TMEM150B: variants seen among roughly 807,000 people sequenced by gnomAD.
TMEM150B encodes the protein transmembrane protein 150B, also known as modulator of macroautophagy TMEM150B.
TMEM150B carries 33 observed loss-of-function variants against 25.2 expected under a neutral mutation model. The observed-to-expected ratio is 1.31, with a 90% CI of 0.99 to 1.75. The LOEUF is 1.75. Among genes scored for constraint, TMEM150B ranks in the 40% most tolerant of loss-of-function variants. The pLI, the probability that TMEM150B is intolerant of heterozygous loss-of-function variation, is 0.00. For synonymous variants in TMEM150B, 133 were observed against 134.8 expected (o/e 0.99, Z 0.09); for missense variants, 322 against 306.1 (o/e 1.05, Z -0.39).
chr19:55,313,206 G>A (rs896065133), intron 7 of TMEM150B, 151 bp from the exon 8 acceptor site: 13 of 771,380 alleles, frequency 1.7e-5, no homozygotes, highest in Middle Eastern at 3.8e-4. Flanking sequence ...ACGGGGCCTC[G>A]CCTTGGTCTC....
chr19:55,322,299 T>C (rs2089227616), intron 2 of TMEM150B, among the ~76,000 whole-genome samples: 2 of 152,036 alleles, frequency 1.3e-5, no homozygotes. Context: ...CAGGGACAGG[T>C]AAGCCTCACA....
At chr19:55,310,762 C>T (rs777374462), downstream of TMEM150B, among the ~76,000 whole-genome samples, 23 of 152,104 alleles carry the variant, frequency 1.5e-4, no homozygotes, top group Non-Finnish European at 2.6e-4. The surrounding 1 kb of genome is among the most constrained non-coding windows in gnomAD (Gnocchi z 5.0). Context: ...TAGGGGCAAC[C>T]GGAAAGCAAA....
intron 6 of TMEM150B, among the ~76,000 whole-genome samples, chr19:55,319,168 A>G (rs1347874779): frequency 6.6e-6 from 1 of 151,960 alleles, no homozygotes; most frequent in Non-Finnish European, 1.5e-5. Context: ...CTGGAGTGCA[A>G]TGGCATGGTC....
At chr19:55,311,897 T>C, downstream of TMEM150B, 1 of 1,610,584 alleles carries the variant, frequency 6.2e-7, no homozygotes, top group Non-Finnish European at 8.5e-7. Flanking sequence ...GAAAAACCTC[T>C]TCCTCCCTTG....
intron 7 of TMEM150B, among the ~76,000 whole-genome samples, chr19:55,314,265 G>T (rs1050166286): frequency 1.3e-5 from 2 of 152,030 alleles, no homozygotes; most frequent in Non-Finnish European, 2.9e-5. Context: ...CATGTCATCC[G>T]CCCGCCTTAG....
chr19:55,312,510 C>T (rs562951274), downstream of TMEM150B: 325 of 144,044 alleles, frequency 2.3e-3, no homozygotes, highest in African/African-American at 0.011. Flanking sequence ...TGCCTGCGTC[C>T]GTGTCTCTGA....
In TMEM150B at chr19:55,321,113, G is replaced by A. The variant is rs2089196409; in HGVS notation, c.-57-20C>T. 4 of 1,533,286 alleles carry A rather than the reference G, an allele frequency of 2.6e-6. No homozygotes were observed. Among genetic ancestry groups the A allele is most frequent in the Non-Finnish European group, 3.5e-6 (4 of 1,141,554 alleles). The allele number at this position is 1,533,286 out of a possible 1,614,324, so 95.0% of individuals were successfully genotyped here. A position where few individuals can be genotyped will look rare whatever the true frequency, so the allele number is the denominator to read the frequency against. Reference sequence around the variant, plus strand: ...TCACACCTGAAGAACCAGCCCTCAAGGAGGGCCCAGGTGCATGAGATTGTG... The same window carrying A: ...TCACACCTGAAGAACCAGCCCTCAAAGAGGGCCCAGGTGCATGAGATTGTG... On this transcript the variant is annotated intron_variant, in intron 2 of 7. Coordinates refer to ENST00000326652, the MANE Select transcript of TMEM150B (RefSeq NM_001282011.2).
intron 2 of TMEM150B, among the ~76,000 whole-genome samples, 191 bp downstream of exon 2, chr19:55,322,456 AT>A (rs2123138109): frequency 6.6e-6 from 1 of 152,080 alleles, no homozygotes; most frequent in Non-Finnish European, 1.5e-5. Context: ...CTGGGCCCCC[AT>A]TGGCTCTCAG....
At chr19:55,315,427 C>T (rs1010881956) in intron 7 of TMEM150B, among the ~76,000 whole-genome samples, 1 of 152,024 alleles carries the variant, frequency 6.6e-6, no homozygotes, top group East Asian at 1.9e-4. Flanking sequence ...GTCAGGAGTT[C>T]GAGACCAGCC....
Position 55,313,051 on chromosome 19 carries a change from G to T in TMEM150B, c.510C>A (p.Ile170=). The T allele has an allele frequency of 2.5e-6, 4 of 1,609,266 alleles. No individual in the cohort carries two copies. Among genetic ancestry groups the T allele is most frequent in the Non-Finnish European group, 3.4e-6 (4 of 1,178,222 alleles). Reference sequence around the variant, plus strand: ...TACGCAGCGAGCAGGCGTGGAGGACGATCACTGCCCCAGGGTCAAGGGCCA... The same window carrying T: ...TACGCAGCGAGCAGGCGTGGAGGACTATCACTGCCCCAGGGTCAAGGGCCA... ...SVCTILIVAM[I]VLHACSLRSV... The change falls in exon 8 of 8, where the codon ATC becomes ATA. Residue 170 remains isoleucine (I), a synonymous_variant. Transcript: ENST00000326652.
At chr19:55,319,764 T>C (rs2089139548) in intron 6 of TMEM150B, 1 of 1,253,728 alleles carries the variant, frequency 8.0e-7, no homozygotes. Context: ...AATTTCATCA[T>C]TAAATAAGCT....
At chr19:55,315,695 A>G (rs765270978) in intron 7 of TMEM150B, among the ~76,000 whole-genome samples, 1 of 150,932 alleles carries the variant, frequency 6.6e-6, no homozygotes, top group African/African-American at 2.4e-5. Context: ...TGGGAGGCGG[A>G]GCTTACAGTG....
chr19:55,320,179 G>T lies in TMEM150B; in HGVS notation c.197-13C>A. The T allele has an allele frequency of 6.2e-7, 1 of 1,613,038 alleles. No individual in the cohort carries two copies. The highest frequency in any genetic ancestry group is 8.5e-7 in the Non-Finnish European group (1 of 1,179,282). ...CAGATCCACGCGGCTGGGAGTAGAGGGGAGAAGGAAGTGGGAGGGAGACCC... is the reference window on the plus strand; with the variant it reads ...CAGATCCACGCGGCTGGGAGTAGAGTGGAGAAGGAAGTGGGAGGGAGACCC... On this transcript the variant is annotated splice_polypyrimidine_tract_variant and intron_variant, in intron 5 of 7. Transcript: ENST00000326652.
At position 55,322,722 on chromosome 19, in the gene TMEM150B, G is replaced by A; in HGVS notation, c.-132C>T. Reference sequence around the variant, plus strand: ...CTCAGGGAAGAAGGGCTGGCATTCGGGGTGGGGCTCAGGCAGACATCCTGC... The same window carrying A: ...CTCAGGGAAGAAGGGCTGGCATTCGAGGTGGGGCTCAGGCAGACATCCTGC... On this transcript the variant is annotated 5_prime_UTR_variant, in exon 2 of 8. Transcript: ENST00000326652. 4 of 985,348 alleles carry A rather than the reference G, an allele frequency of 4.1e-6. No homozygotes were observed. Among genetic ancestry groups the A allele is most frequent in the Non-Finnish European group, 4.8e-6 (4 of 830,036 alleles). 61.0% of individuals were successfully genotyped at this position (985,348 alleles called of 1,614,324 possible).
In TMEM150B at chr19:55,320,541, C is replaced by T. The variant is rs1258124491; in HGVS notation, c.128+17G>A. 1.2e-6 allele frequency: 2 copies of T among 1,613,838 alleles called. No homozygotes were observed. Among genetic ancestry groups the T allele is most frequent in the Admixed American group, 1.7e-5 (1 of 59,970 alleles). ...CAGCGGCGATCCCCCCAAATCCCTA[C>T]CCTCGGGCAGAATTACCTGATGTAG... is the stretch of plus-strand genomic sequence containing the variant. On this transcript the variant is annotated intron_variant, in intron 4 of 7. Transcript: ENST00000326652.
Position 55,312,859 on chromosome 19 carries a change from C to A in TMEM150B, c.702G>T (p.Ter234TyrextTer4), listed in dbSNP as rs767266573. Residue 234 changes from the stop codon to tyrosine (Y), a stop_lost, in exon 8 of 8, where the codon TAG becomes TAT. Transcript: ENST00000326652. ...ASPISLPVQL[*>Y] ...GGCAAGGCCCGGGTCAGGGTGCCTGCTACAGCTGGACCGGCAGGGAGATGG... is the reference window on the plus strand; with the variant it reads ...GGCAAGGCCCGGGTCAGGGTGCCTGATACAGCTGGACCGGCAGGGAGATGG... The A allele has an allele frequency of 2.5e-6, 4 of 1,583,422 alleles. No individual in the cohort carries two copies. In the South Asian group the frequency reaches 4.6e-5, roughly 18 times the overall value.
At position 55,320,034 on chromosome 19, in the gene TMEM150B, C is replaced by T. The variant is rs749533726; in HGVS notation, c.324+5G>A. Reference sequence around the variant, plus strand: ...GACAGACCCTGGGCGCCGACTGGGTCTCACCTGGAAATTGCCTACCACGGA... The same window carrying T: ...GACAGACCCTGGGCGCCGACTGGGTTTCACCTGGAAATTGCCTACCACGGA... On this transcript the variant is annotated splice_donor_5th_base_variant and intron_variant, in intron 6 of 7. Coordinates refer to ENST00000326652, the MANE Select transcript of TMEM150B (RefSeq NM_001282011.2). The T allele has an allele frequency of 6.2e-7, 1 of 1,613,958 alleles. No homozygotes were observed. The highest frequency in any genetic ancestry group is 8.5e-7 in the Non-Finnish European group (1 of 1,180,010).
In TMEM150B at chr19:55,320,157, A is replaced by G; in HGVS notation, c.206T>C (p.Ile69Thr). The G allele has an allele frequency of 6.2e-7, 1 of 1,614,026 alleles. No individual in the cohort carries two copies. The highest frequency in any genetic ancestry group is 8.5e-7 in the Non-Finnish European group (1 of 1,179,984). ...GAGCTGGTGGTAACGGACAATGCAG[A>G]TCCACGCGGCTGGGAGTAGAGGGGA... is the stretch of plus-strand genomic sequence containing the variant. ...LNMGAALAAW[I>T]CIVRYHQLRD... is the part of the protein sequence containing the mutation. The change falls in exon 6 of 8, where the codon ATC (isoleucine) becomes ACC (threonine). Residue 69 changes from isoleucine to threonine, a missense_variant. Ile to Thr is a moderately conservative substitution (Grantham distance 89, BLOSUM62 -1). Coordinates refer to ENST00000326652, the MANE Select transcript of TMEM150B (RefSeq NM_001282011.2).
intron 2 of TMEM150B, among the ~76,000 whole-genome samples, chr19:55,321,362 G>A (rs1322309602): frequency 6.6e-6 from 1 of 151,844 alleles, no homozygotes; most frequent in Non-Finnish European, 1.5e-5. Flanking sequence ...ACCTCCTGGA[G>A]ATGCTCACCT....
Sources: allele counts gnomAD v4.1 joint callset (sites outside exome capture counted in the v4.1 genomes callset), GRCh38; gene constraint gnomAD v4.1.1; non-coding constraint Gnocchi (gnomAD v3.1); transcripts MANE v1.5; gene names NCBI Gene and HGNC (gene_info 2026-07-23, HGNC 2026-07-21).